Variants in IPO9 observed in about 807,000 individuals in gnomAD.
IPO9 encodes importin 9, also known as importin-9.
IPO9 carries 28 observed loss-of-function variants against 128.6 expected under a neutral mutation model. The observed-to-expected ratio is 0.22, with a 90% CI of 0.16 to 0.30. The LOEUF is 0.30. IPO9 is among the 10% of genes least tolerant of loss of function. IPO9 has a pLI of 1.00. For missense variants in IPO9, 935 were observed against 1,293.9 expected, an observed-to-expected ratio of 0.72 and a Z score of 4.26; for synonymous variants, 455 against 475.8, an observed-to-expected ratio of 0.96 and a Z score of 0.57.
At chr1:201,856,560 A>G (rs1276458489) in intron 10 of IPO9, among the ~76,000 whole-genome samples, 2 of 152,348 alleles carry the variant, frequency 1.3e-5, no homozygotes, top group African/African-American at 4.8e-5. Flanking sequence ...AATCAGCCAG[A>G]TTCTAAAAGA....
At chr1:201,830,195 ATCT>A (rs1194572583) in intron 1 of IPO9, among the ~76,000 whole-genome samples, 1 of 152,218 alleles carries the variant, frequency 6.6e-6, no homozygotes, top group East Asian at 1.9e-4. Context: ...AGGAGGAGAA[ATCT>A]TCTTGGTCTT....
rs938579636 is a variant in IPO9 at position 201,854,670 on chromosome 1, G to A, written c.766G>A (p.Asp256Asn). ...EAFVQALQIP[D>N]GPTSDSGFKM... ...CTTTGTTCAGGCCCTCCAGATACCA[G>A]ATGGCCCCACATCTGACAGTGGGTT... The change falls in exon 7 of 24, where the codon GAT becomes AAT. Residue 256 changes from aspartate (D) to asparagine (N), a missense_variant. By Grantham distance (23) the Asp-to-Asn change is conservative. Around this residue, in one of 3 missense-constraint regions of IPO9, gnomAD observed 741 missense variants for 1,019.1 expected, o/e 0.73. Coordinates refer to ENST00000361565, the MANE Select transcript of IPO9 (RefSeq NM_018085.5). 1.2e-6 allele frequency: 2 copies of A among 1,614,088 alleles called. No individual in the cohort carries two copies. The highest frequency in any genetic ancestry group is 2.7e-5 in the African/African-American group (2 of 74,920).
chr1:201,881,697 T>G lies in IPO9; in HGVS notation c.*5643T>G, dbSNP rs1039439491. ...AGGGAAGTGATCAGGTTTTGTGTCT[T>G]AGAAAAGTGTTGCAGTGTTGATGCA... On this transcript the variant is annotated 3_prime_UTR_variant, in exon 24 of 24. Transcript: ENST00000361565. The G allele has an allele frequency of 2.0e-5, 3 of 152,160 alleles. No homozygotes were observed. The highest frequency in any genetic ancestry group is 4.4e-5 in the Non-Finnish European group (3 of 68,026). The allele number at this position is 152,160 out of a possible 1,614,324, so 9.4% of individuals were successfully genotyped here. A position where few individuals can be genotyped will look rare whatever the true frequency, so the allele number is the denominator to read the frequency against.
chr1:201,877,978 G>A lies in IPO9; in HGVS notation c.*1924G>A, dbSNP rs1680808866. ...AAGTGAATCTGAATCTCCACTCAAG[G>A]GGATGGCCCCAAGGATATTGTAGCT... On this transcript the variant is annotated 3_prime_UTR_variant, in exon 24 of 24. Coordinates refer to ENST00000361565, the MANE Select transcript of IPO9 (RefSeq NM_018085.5). 1 of 152,156 alleles carries A rather than the reference G, an allele frequency of 6.6e-6. No individual in the cohort carries two copies. Among genetic ancestry groups the A allele is most frequent in the Non-Finnish European group, 1.5e-5 (1 of 68,054 alleles). 9.4% of individuals were successfully genotyped at this position (152,156 alleles called of 1,614,324 possible).
Position 201,848,439 on chromosome 1 carries a change from C to G in IPO9, c.359C>G (p.Ser120Trp). ...RELLPNGLRE[S>W]ISKVRSSVAY... Reference sequence around the variant, plus strand: ...CTATTGCCTAATGGGTTGAGAGAATCGATAAGCAAAGTGCGCTCCAGTGTG... The same window carrying G: ...CTATTGCCTAATGGGTTGAGAGAATGGATAAGCAAAGTGCGCTCCAGTGTG... The change falls in exon 4 of 24, where the codon TCG (serine) becomes TGG (tryptophan). Residue 120 changes from serine (S) to tryptophan (W), a missense_variant. Transcript: ENST00000361565. 6.2e-7 allele frequency: 1 copy of G among 1,614,144 alleles called. No homozygotes were observed. Among genetic ancestry groups the G allele is most frequent in the Non-Finnish European group, 8.5e-7 (1 of 1,180,024 alleles).
At chr1:201,860,611 G>C (rs534267101) in intron 13 of IPO9, among the ~76,000 whole-genome samples, 1 of 152,100 alleles carries the variant, frequency 6.6e-6, no homozygotes, top group South Asian at 2.1e-4. Flanking sequence ...CTGGAAAAAG[G>C]CTCAATATAT....
rs1189890892 is a variant in IPO9 at position 201,878,847 on chromosome 1, A to G, written c.*2793A>G. ...CATGTTGACAGAAACTCTAGACCAT[A>G]TTTTGTCTCCTGTCTTTGGCCAAAG... is the stretch of plus-strand genomic sequence containing the variant. On this transcript the variant is annotated 3_prime_UTR_variant, in exon 24 of 24. Transcript: ENST00000361565. 6.6e-6 allele frequency: 1 copy of G among 152,172 alleles called. No individual in the cohort carries two copies. Among genetic ancestry groups the G allele is most frequent in the African/African-American group, 2.4e-5 (1 of 41,428 alleles). The allele number at this position is 152,172 out of a possible 1,614,324, so 9.4% of individuals were successfully genotyped here.
Position 201,854,719 on chromosome 1 carries a change from A to T in IPO9, c.810+5A>T, listed in dbSNP as rs1478721810. On this transcript the variant is annotated splice_donor_5th_base_variant and intron_variant, in intron 7 of 23. Transcript: ENST00000361565. ...TTTAAGATGGAGGTCCTAAAGGTAA[A>T]CACTTACTACCAATGAAATATTTGG... is the stretch of plus-strand genomic sequence containing the variant. The T allele has an allele frequency of 1.9e-6, 3 of 1,613,276 alleles. No homozygotes were observed. In the African/African-American group the frequency reaches 4.0e-5, roughly 22 times the overall value.
Position 201,880,646 on chromosome 1 carries a change from A to G in IPO9, c.*4592A>G, listed in dbSNP as rs1441193400. On this transcript the variant is annotated 3_prime_UTR_variant, in exon 24 of 24. Coordinates refer to ENST00000361565, the MANE Select transcript of IPO9 (RefSeq NM_018085.5). ...CCATTTCAGTGAACTATGAACCTCTATTAGATATGCAAGGCCGGTGCTAAA... is the reference window on the plus strand; with the variant it reads ...CCATTTCAGTGAACTATGAACCTCTGTTAGATATGCAAGGCCGGTGCTAAA... 1 of 152,230 alleles carries G rather than the reference A, an allele frequency of 6.6e-6. No individual in the cohort carries two copies. Among genetic ancestry groups the G allele is most frequent in the Non-Finnish European group, 1.5e-5 (1 of 68,052 alleles). 9.4% of individuals were successfully genotyped at this position (152,230 alleles called of 1,614,324 possible).
intron 8 of IPO9, 85 bp from the exon 9 acceptor site, chr1:201,855,039 C>A: frequency 1.5e-6 from 2 of 1,301,298 alleles, no homozygotes; most frequent in South Asian, 1.3e-5. Flanking sequence ...AAGGTGTCTA[C>A]TTTTAGTGTT....
chr1:201,843,778 A>G (rs1680083140), intron 1 of IPO9, among the ~76,000 whole-genome samples: 1 of 150,690 alleles, frequency 6.6e-6, no homozygotes, highest in Admixed American at 6.7e-5. Flanking sequence ...CAGTGAACTG[A>G]GATAGCGCCA....
Position 201,878,060 on chromosome 1 carries a change from GGAA to G in IPO9, c.*2011_*2013del, listed in dbSNP as rs1193457465. ...GTGTTCAACCTCCATGACTGAGATT[GGAA>G]GAAGTAGAGTTAAAAGTTTTTACTA... is the stretch of plus-strand genomic sequence containing the variant. On this transcript the variant is annotated 3_prime_UTR_variant, in exon 24 of 24. Coordinates refer to ENST00000361565, the MANE Select transcript of IPO9 (RefSeq NM_018085.5). 3 of 152,224 alleles carry G rather than the reference GGAA, an allele frequency of 2.0e-5. No individual in the cohort carries two copies. The highest frequency in any genetic ancestry group is 4.8e-5 in the African/African-American group (2 of 41,448). 9.4% of individuals were successfully genotyped at this position (152,224 alleles called of 1,614,324 possible).
In IPO9 at chr1:201,852,121, A is replaced by G. The variant is rs2102876881; in HGVS notation, c.532A>G (p.Thr178Ala). 2.5e-6 allele frequency: 4 copies of G among 1,611,300 alleles called. No homozygotes were observed. In the East Asian group the frequency reaches 6.7e-5, roughly 27 times the overall value. The change falls in exon 5 of 24, where the codon ACA becomes GCA. Residue 178 changes from threonine to alanine, a missense_variant. This residue lies in a region of IPO9 where 741 missense variants were observed against 1,019.1 expected (regional missense o/e 0.73). Coordinates refer to ENST00000361565, the MANE Select transcript of IPO9 (RefSeq NM_018085.5). Reference sequence around the variant, plus strand: ...CTTTGTAGAATTCACTCGTGAAGTAACAGACACACAGATGCCACTTGTTGC... The same window carrying G: ...CTTTGTAGAATTCACTCGTGAAGTAGCAGACACACAGATGCCACTTGTTGC... The part of the protein sequence containing the change: ...RVLTEFTREV[T>A]DTQMPLVAPV...
chr1:201,848,299 C>G lies in IPO9; in HGVS notation c.313-94C>G, dbSNP rs1471571965. The G allele has an allele frequency of 1.6e-5, 16 of 1,030,092 alleles. No individual in the cohort carries two copies. In the East Asian group the frequency reaches 1.7e-4, roughly 11 times the overall value. The allele number at this position is 1,030,092 out of a possible 1,614,324, so 63.8% of individuals were successfully genotyped here. A position where few individuals can be genotyped will look rare whatever the true frequency, so the allele number is the denominator to read the frequency against. On this transcript the variant is annotated intron_variant, in intron 3 of 23. Coordinates refer to ENST00000361565, the MANE Select transcript of IPO9 (RefSeq NM_018085.5). The stretch of plus-strand genomic sequence containing the variant: ...TTCTGTAGACATGCAGTACCTTGTA[C>G]TCATTGTTTTTCCAACACAGTTCCC...
At chr1:201,848,785 A>G (rs765335831) in intron 4 of IPO9, among the ~76,000 whole-genome samples, 191 bp downstream of exon 4, 3 of 152,146 alleles carry the variant, frequency 2.0e-5, no homozygotes, top group Non-Finnish European at 4.4e-5. Flanking sequence ...TTTGTATAGT[A>G]TTACTTCTAC....
At chr1:201,858,678 C>G (rs1680379074) in intron 12 of IPO9, 125 bp downstream of exon 12, 1 of 790,904 alleles carries the variant, frequency 1.3e-6, no homozygotes, top group African/African-American at 1.8e-5. Context: ...AGATTTTAAT[C>G]TCTTATTATT....
At chr1:201,871,355 A>G (rs1680648366) in intron 19 of IPO9, 28 bp downstream of exon 19, 2 of 976,526 alleles carry the variant, frequency 2.0e-6, no homozygotes, top group East Asian at 2.9e-5. Flanking sequence ...TTTTCTGGGC[A>G]TTCTGCCACC....
rs139186949 is a variant in IPO9 at position 201,829,306 on chromosome 1, C to T, written c.97C>T (p.Leu33=). ...GTTAGTGGATACGCTCACCGGGATC[C>T]TATCCCCAGTACAGGAGGTGCGGGC... is the stretch of plus-strand genomic sequence containing the variant. The part of the protein sequence containing the change: ...EALVDTLTGI[L]SPVQEVRAAA... The change falls in exon 1 of 24, where the codon CTA becomes TTA. Residue 33 remains leucine, a synonymous_variant. Transcript: ENST00000361565. 4,120 of 1,597,472 alleles carry T rather than the reference C, an allele frequency of 2.6e-3. 64 individuals carry two copies. In the South Asian group the frequency reaches 0.028, roughly 11 times the overall value.
At chr1:201,863,050 A>G (rs1251594296) in intron 13 of IPO9, among the ~76,000 whole-genome samples, 1 of 151,786 alleles carries the variant, frequency 6.6e-6, no homozygotes, top group Non-Finnish European at 1.5e-5. Context: ...ATTTACTTCT[A>G]AAAAATTGAG....
Sources: gnomAD v4.1 joint callset for allele counts (sites outside exome capture counted in the v4.1 genomes callset) on GRCh38, gnomAD v4.1.1 for gene constraint, gnomAD v4.1.1 regional missense constraint, MANE v1.5 for transcripts, NCBI Gene and HGNC (gene_info 2026-07-23, HGNC 2026-07-21) for gene names.